Variants in RBPMS observed in about 807,000 individuals in gnomAD.
The protein encoded by RBPMS is RNA-binding protein with multiple splicing.
Under a neutral mutation model 26.8 loss-of-function variants are expected in RBPMS, and 7 were observed. That is an observed-to-expected ratio of 0.26 (90% CI 0.15 to 0.49). The LOEUF (loss-of-function observed/expected upper bound fraction) is 0.49. Among genes scored for constraint, RBPMS ranks in the 20% least tolerant of loss-of-function variants. RBPMS has a pLI of 0.98. For synonymous variants in RBPMS, 96 were observed against 93.3 expected (o/e 1.03, Z -0.17); for missense variants, 186 against 250.0 (o/e 0.74, Z 1.73).
chr8:30,431,272 C>T (rs1811893071), intron 1 of RBPMS, among the ~76,000 whole-genome samples: 1 of 152,078 alleles, frequency 6.6e-6, no homozygotes. Flanking sequence ...GAAAGATTGC[C>T]TTACTTGGAA....
intron 8 of RBPMS, among the ~76,000 whole-genome samples, chr8:30,569,042 C>T (rs1011238777): frequency 1.3e-5 from 2 of 152,214 alleles, no homozygotes; most frequent in Non-Finnish European, 2.9e-5. Context: ...TGGGAAGCTG[C>T]GTGGTTCATT....
intron 4 of RBPMS, among the ~76,000 whole-genome samples, chr8:30,489,803 T>TTTTTG (rs1021136082): frequency 8.0e-5 from 12 of 150,768 alleles, no homozygotes; most frequent in East Asian, 2.0e-4. Context: ...ATACTGGTGT[T>TTTTTG]TTTTGTTTTG....
chr8:30,465,219 T>G (rs7824823), intron 1 of RBPMS, among the ~76,000 whole-genome samples: 71,793 of 151,990 alleles, frequency 0.47, 17,025 homozygotes, highest in Middle Eastern at 0.59. Flanking sequence ...ATATCAAGGT[T>G]AAGTTCTCTC....
chr8:30,537,860 C>G (rs1322444571), intron 5 of RBPMS: 1 of 301,316 alleles, frequency 3.3e-6, no homozygotes, highest in Non-Finnish European at 6.6e-6. Flanking sequence ...GTTACTAGGA[C>G]TTAGCAATTG....
intron 6 of RBPMS, chr8:30,545,364 C>T (rs537456875): frequency 5.2e-6 from 6 of 1,146,896 alleles, no homozygotes; most frequent in East Asian, 1.3e-4. Context: ...CTCTTAGCTT[C>T]GCTTTTAGTG....
intron 5 of RBPMS, among the ~76,000 whole-genome samples, chr8:30,519,650 A>ATATTTT (rs546152980): frequency 1.8e-4 from 27 of 151,760 alleles, no homozygotes; most frequent in African/African-American, 6.3e-4. Flanking sequence ...CGCCCGGCTA[A>ATATTTT]TATTTTTATT....
chr8:30,505,340 C>T (rs1200340443), intron 5 of RBPMS, among the ~76,000 whole-genome samples: 1 of 152,212 alleles, frequency 6.6e-6, no homozygotes, highest in Non-Finnish European at 1.5e-5. Flanking sequence ...TTCGATAGTA[C>T]ATTTTAACTC....
chr8:30,537,108 A>G (rs1473702739), intron 5 of RBPMS, among the ~76,000 whole-genome samples: 1 of 152,202 alleles, frequency 6.6e-6, no homozygotes, highest in Admixed American at 6.5e-5. Flanking sequence ...GATGAGTAAG[A>G]GTAGGTAATA....
chr8:30,442,980 A>T (rs560137145), intron 1 of RBPMS, among the ~76,000 whole-genome samples: 1 of 152,252 alleles, frequency 6.6e-6, no homozygotes, highest in African/African-American at 2.4e-5. Flanking sequence ...ATAGCTTTTT[A>T]AAAAACTTTG....
chr8:30,512,092 A>G (rs1274102400), intron 5 of RBPMS, among the ~76,000 whole-genome samples: 1 of 152,102 alleles, frequency 6.6e-6, no homozygotes, highest in Non-Finnish European at 1.5e-5. Context: ...GTTTTTGAAG[A>G]TTGGGCCTTG....
At chr8:30,544,964 T>C in intron 6 of RBPMS, 1 of 1,457,798 alleles carries the variant, frequency 6.9e-7, no homozygotes, top group Non-Finnish European at 9.0e-7. Context: ...GTGTGCCTTG[T>C]GTGGAAGGGC....
intron 1 of RBPMS, among the ~76,000 whole-genome samples, chr8:30,434,609 C>A (rs1487665205): frequency 6.6e-6 from 1 of 150,956 alleles, no homozygotes; most frequent in Non-Finnish European, 1.5e-5. Context: ...GAGGCTGAGG[C>A]AGGACAGTCA....
At chr8:30,556,289 T>C in intron 6 of RBPMS, 1 of 985,390 alleles carries the variant, frequency 1.0e-6, no homozygotes, top group Non-Finnish European at 1.2e-6. Flanking sequence ...GAACCCGCCT[T>C]CATGTCACTC....
chr8:30,476,713 T>C (rs1048982808), intron 2 of RBPMS, among the ~76,000 whole-genome samples: 18 of 152,200 alleles, frequency 1.2e-4, no homozygotes, highest in African/African-American at 4.1e-4. Flanking sequence ...CGCTGATGTG[T>C]GTAGTGGTCA....
intron 5 of RBPMS, among the ~76,000 whole-genome samples, chr8:30,526,173 G>T (rs749537376): frequency 1.3e-5 from 2 of 152,104 alleles, no homozygotes; most frequent in Admixed American, 1.3e-4. Context: ...CAGCCATAAG[G>T]TCTCCTTCAA....
intron 6 of RBPMS, chr8:30,556,875 C>A (rs1017529713): frequency 8.5e-6 from 5 of 587,452 alleles, no homozygotes; most frequent in Non-Finnish European, 8.6e-6. Flanking sequence ...CCTGCCCGCC[C>A]CTACCTCACC....
rs561107495 is a variant in RBPMS, at chr8:30,444,180, G to A, written c.67-30599G>A. 3.9e-5 allele frequency among the ~76,000 whole-genome samples: 6 copies of A among 152,312 alleles called. No homozygotes were observed. The East Asian group carries it at 1.2e-3, about 29-fold the overall frequency. On this transcript the variant is annotated intron_variant, in intron 1 of 8. Coordinates refer to ENST00000397323, the MANE Select transcript of RBPMS (RefSeq NM_001008710.3). Reference sequence around the variant, plus strand: ...CAAATTGCTGGGATTACAGGTGTGAGCCACCACACCCTGCCTCTTTCAGAT... The same window carrying A: ...CAAATTGCTGGGATTACAGGTGTGAACCACCACACCCTGCCTCTTTCAGAT...
chr8:30,548,612 C>G (rs1193247397), intron 6 of RBPMS, among the ~76,000 whole-genome samples: 2 of 152,164 alleles, frequency 1.3e-5, no homozygotes, highest in African/African-American at 4.8e-5. Flanking sequence ...CTTGGGATGG[C>G]TCTGTGACAC....
intron 1 of RBPMS, among the ~76,000 whole-genome samples, chr8:30,437,306 A>G (rs1341316026): frequency 1.3e-5 from 2 of 152,138 alleles, no homozygotes; most frequent in African/African-American, 4.8e-5. Flanking sequence ...CCACTTGGAA[A>G]AATAACTTTA....
Sources: allele counts gnomAD v4.1 joint callset (sites outside exome capture counted in the v4.1 genomes callset), GRCh38; gene constraint gnomAD v4.1.1; transcripts MANE v1.5; gene names NCBI Gene and HGNC (gene_info 2026-07-23, HGNC 2026-07-21).